Variants in SLC24A1 observed in about 807,000 individuals in gnomAD.
The protein encoded by SLC24A1 is solute carrier family 24 member 1.
Under a neutral mutation model 88.1 loss-of-function variants are expected in SLC24A1, and 52 were observed. The ratio of observed to expected loss-of-function variants is 0.59; its 90% CI spans 0.47 to 0.74. The LOEUF is 0.74. SLC24A1 is among the 30% of genes least tolerant of loss of function. The pLI is 0.00. For missense variants in SLC24A1, 1,173 were observed against 1,363.3 expected (o/e 0.86, Z 2.20); for synonymous variants, 455 against 498.0 (o/e 0.91, Z 1.15).
At chr15:65,627,870 G>T (rs2141491388) in intron 2 of SLC24A1, among the ~76,000 whole-genome samples, 1 of 152,318 alleles carries the variant, frequency 6.6e-6, no homozygotes, top group South Asian at 2.1e-4. Flanking sequence ...ACCTACTGAA[G>T]GGACTCTTCA....
At chr15:65,622,854 G>C (rs1276573686) in intron 1 of SLC24A1, among the ~76,000 whole-genome samples, 1 of 151,566 alleles carries the variant, frequency 6.6e-6, no homozygotes, top group Non-Finnish European at 1.5e-5. Context: ...CAATTCTCCT[G>C]TCTCAGCCTC....
At chr15:65,628,173 G>A (rs1425556074) in intron 2 of SLC24A1, among the ~76,000 whole-genome samples, 6 of 152,124 alleles carry the variant, frequency 3.9e-5, no homozygotes, top group African/African-American at 1.4e-4. Context: ...TGCCCAGGCT[G>A]GTCTCAAACT....
chr15:65,654,605 A>G lies in SLC24A1; in HGVS notation c.*526A>G, dbSNP rs2075613688. 1.6e-6 allele frequency: 2 copies of G among 1,220,480 alleles called. No homozygotes were observed. The allele number at this position is 1,220,480 out of a possible 1,614,324, so 75.6% of individuals were successfully genotyped here. A position where few individuals can be genotyped will look rare whatever the true frequency, so the allele number is the denominator to read the frequency against. On this transcript the variant is annotated 3_prime_UTR_variant, in exon 10 of 10. Transcript: ENST00000261892. ...ATCACTGTAGCTTCAGTTATTGGTG[A>G]GTCTAAGGATCCAAGGCTACAGAAA...
intron 2 of SLC24A1, among the ~76,000 whole-genome samples, chr15:65,637,854 G>C (rs562260603): frequency 7.9e-4 from 120 of 152,310 alleles, no homozygotes; most frequent in African/African-American, 2.8e-3. Context: ...TGAGGTGGGT[G>C]AAGAGGATGG....
At chr15:65,644,117 C>T in intron 4 of SLC24A1, 1 of 325,170 alleles carries the variant, frequency 3.1e-6, no homozygotes, top group Non-Finnish European at 5.9e-6. Flanking sequence ...GAAATAAATC[C>T]TATTTCTTGG....
chr15:65,637,493 A>G (rs1195051993), intron 2 of SLC24A1, among the ~76,000 whole-genome samples: 2 of 152,238 alleles, frequency 1.3e-5, no homozygotes, highest in African/African-American at 4.8e-5. Flanking sequence ...CAGGAGAAAA[A>G]GGCATGAACA....
intron 2 of SLC24A1, among the ~76,000 whole-genome samples, chr15:65,626,648 T>C (rs538164860): frequency 6.6e-6 from 1 of 152,306 alleles, no homozygotes; most frequent in African/African-American, 2.4e-5. Context: ...AATCCTGGGC[T>C]TTCTCCTGAC....
chr15:65,627,191 T>C (rs2040275187), intron 2 of SLC24A1, among the ~76,000 whole-genome samples: 1 of 152,224 alleles, frequency 6.6e-6, no homozygotes, highest in African/African-American at 2.4e-5. Flanking sequence ...CCAGGAAACC[T>C]GAGTTCTAAT....
At chr15:65,638,914 G>A (rs766195211) in intron 3 of SLC24A1, among the ~76,000 whole-genome samples, 1 of 152,202 alleles carries the variant, frequency 6.6e-6, no homozygotes, top group African/African-American at 2.4e-5. Context: ...ATTTCTATAT[G>A]TGTCACTATG....
chr15:65,634,233 G>A (rs1018854936), intron 2 of SLC24A1, among the ~76,000 whole-genome samples: 6 of 152,094 alleles, frequency 3.9e-5, no homozygotes, highest in East Asian at 1.9e-4. Context: ...TAAGACTAAC[G>A]TGTGGTTCAG....
chr15:65,659,459 C>T (rs2414883), downstream of SLC24A1: 2 of 150,244 alleles, frequency 1.3e-5, no homozygotes, highest in South Asian at 2.1e-4. Flanking sequence ...TTCAGCCTCC[C>T]GAGTAGCTGG....
In SLC24A1 at chr15:65,651,756, C is replaced by T. The variant is rs537900106; in HGVS notation, c.2880C>T (p.His960=). The T allele has an allele frequency of 3.9e-5, 61 of 1,570,468 alleles. 1 individual carries two copies. The South Asian group carries it at 6.6e-4, about 17-fold the overall frequency. ...MFSYLMVWWA[H]QVGETIGISE... ...CATACCTCATGGTGTGGTGGGCTCACCAGGTGAGTGAACAGCAGGAACGAA... is the reference window on the plus strand; with the variant it reads ...CATACCTCATGGTGTGGTGGGCTCATCAGGTGAGTGAACAGCAGGAACGAA... The change falls in exon 8 of 10, where the codon CAC becomes CAT. Residue 960 remains histidine, a synonymous_variant. Coordinates refer to ENST00000261892, the MANE Select transcript of SLC24A1 (RefSeq NM_004727.3).
intron 2 of SLC24A1, among the ~76,000 whole-genome samples, chr15:65,632,257 G>A (rs374659663): frequency 4.4e-4 from 67 of 152,310 alleles, no homozygotes; most frequent in Middle Eastern, 6.8e-3. Flanking sequence ...GTTGTGGGCT[G>A]TTTATATGTA....
Position 65,650,983 on chromosome 15 carries a change from C to CCCTGCTGGGGATAA in SLC24A1, c.2793+41_2793+42insCCTGCTGGGGATAA. On this transcript the variant is annotated intron_variant, in intron 7 of 9. Transcript: ENST00000261892. The surrounding 1 kb of genome is among the most constrained non-coding windows in gnomAD (Gnocchi z 4.1). ...TGTATCTCAGACTCTTTATCCCCAG[C>CCCTGCTGGGGATAA]AGGGCTGTGGGGTCTCTCGGCATGC... 1 of 1,567,420 alleles carries CCCTGCTGGGGATAA rather than the reference C, an allele frequency of 6.4e-7. No homozygotes were observed. Among genetic ancestry groups the CCCTGCTGGGGATAA allele is most frequent in the Non-Finnish European group, 8.8e-7 (1 of 1,137,658 alleles).
Position 65,654,485 on chromosome 15 carries a change from C to A in SLC24A1, c.*406C>A, listed in dbSNP as rs947591896. 1.7e-6 allele frequency: 2 copies of A among 1,175,266 alleles called. No individual in the cohort carries two copies. The highest frequency in any genetic ancestry group is 2.1e-6 in the Non-Finnish European group (2 of 940,500). 72.8% of individuals were successfully genotyped at this position (1,175,266 alleles called of 1,614,324 possible). A position where few individuals can be genotyped will look rare whatever the true frequency, so the allele number is the denominator to read the frequency against. The stretch of plus-strand genomic sequence containing the variant: ...CTGGCCCAAAAGATGCAGATGTGGT[C>A]TACATCTCAGCCTTCCTGACCTCTG... On this transcript the variant is annotated 3_prime_UTR_variant, in exon 10 of 10. Transcript: ENST00000261892.
In SLC24A1 at chr15:65,653,879, G is replaced by A; in HGVS notation, c.3100G>A (p.Val1034Ile). The A allele has an allele frequency of 6.2e-7, 1 of 1,613,844 alleles. No individual in the cohort carries two copies. Residue 1034 changes from valine (V) to isoleucine (I), a missense_variant, in exon 10 of 10, where the codon GTT (valine) becomes ATT (isoleucine). Physicochemically the swap from Val to Ile is conservative, Grantham distance 29 (BLOSUM62 3). Coordinates refer to ENST00000261892, the MANE Select transcript of SLC24A1 (RefSeq NM_004727.3). Reference protein sequence around the residue: ...LFSLINGLQPVPVSSNGLFCA... With the variant: ...LFSLINGLQPIPVSSNGLFCA... Reference sequence around the variant, plus strand: ...CTCTCTTATCAATGGATTACAGCCAGTTCCAGTCAGCAGCAATGGCTTGTT... The same window carrying A: ...CTCTCTTATCAATGGATTACAGCCAATTCCAGTCAGCAGCAATGGCTTGTT...
intron 2 of SLC24A1, among the ~76,000 whole-genome samples, chr15:65,627,494 A>T (rs865843180): frequency 6.6e-6 from 1 of 152,330 alleles, no homozygotes; most frequent in South Asian, 2.1e-4. Flanking sequence ...CCAGTCTCCT[A>T]ACTCCCCATT....
rs748775420 is a variant in SLC24A1, at chr15:65,655,558, T to G, written c.*1479T>G. 15 of 985,272 alleles carry G rather than the reference T, an allele frequency of 1.5e-5. No homozygotes were observed. Among genetic ancestry groups the G allele is most frequent in the Non-Finnish European group, 1.8e-5 (15 of 829,912 alleles). The allele number at this position is 985,272 out of a possible 1,614,324, so 61.0% of individuals were successfully genotyped here. Reference sequence around the variant, plus strand: ...TACTAGAATCAAGTTAAGGGACACGTTAGAAATAGAACAGCTTAATATCAC... The same window carrying G: ...TACTAGAATCAAGTTAAGGGACACGGTAGAAATAGAACAGCTTAATATCAC... On this transcript the variant is annotated 3_prime_UTR_variant, in exon 10 of 10. Transcript: ENST00000261892.
chr15:65,648,232 C>A (rs1249700087), intron 6 of SLC24A1, among the ~76,000 whole-genome samples: 1 of 152,124 alleles, frequency 6.6e-6, no homozygotes, highest in East Asian at 1.9e-4. Flanking sequence ...TGCACTCCAG[C>A]CTGGGCGACA....
Sources: allele counts gnomAD v4.1 joint callset (sites outside exome capture counted in the v4.1 genomes callset), GRCh38; gene constraint gnomAD v4.1.1; non-coding constraint Gnocchi (gnomAD v3.1); transcripts MANE v1.5; gene names NCBI Gene and HGNC (gene_info 2026-07-23, HGNC 2026-07-21).